Variants in CYP4X1 observed in about 807,000 individuals in gnomAD.
The protein encoded by CYP4X1 is cytochrome P450 family 4 subfamily X member 1, also known as cytochrome P450 4X1.
In CYP4X1, 44 loss-of-function variants were observed where a neutral mutation model predicts 57.9. The observed-to-expected ratio is 0.76, with a 90% CI of 0.60 to 0.98. CYP4X1 has a LOEUF of 0.98. Among genes scored for constraint, CYP4X1 ranks in the 50% least tolerant of loss-of-function variants. CYP4X1 has a pLI of 0.00. For synonymous variants in CYP4X1, 227 were observed against 228.6 expected, an observed-to-expected ratio of 0.99 and a Z score of 0.06; for missense variants, 532 against 623.9, an observed-to-expected ratio of 0.85 and a Z score of 1.57.
At chr1:46,999,940 G>A in the CYP4X1 span, among the ~76,000 whole-genome samples, 1 of 152,050 alleles carries the variant, frequency 6.6e-6, no homozygotes, top group African/African-American at 2.4e-5. Flanking sequence ...AAGACTTTGT[G>A]GGATGATTGG....
intron 1 of CYP4X1, among the ~76,000 whole-genome samples, chr1:47,026,227 G>A (rs1267773068): frequency 6.6e-6 from 1 of 152,160 alleles, no homozygotes; most frequent in Non-Finnish European, 1.5e-5. Context: ...TAAATAAAGA[G>A]TGTAATAGGA....
At chr1:47,048,091 A>AG (rs1397167436) in intron 9 of CYP4X1, among the ~76,000 whole-genome samples, 1 of 151,446 alleles carries the variant, frequency 6.6e-6, no homozygotes, top group Non-Finnish European at 1.5e-5. Flanking sequence ...AAAAAAAAAA[A>AG]AGAGAGAGAT....
At chr1:47,017,235 G>C in the CYP4X1 span, among the ~76,000 whole-genome samples, 1 of 152,108 alleles carries the variant, frequency 6.6e-6, no homozygotes, top group Non-Finnish European at 1.5e-5. Context: ...GGGATTGCTG[G>C]ATCATATGGT....
At chr1:47,019,406 T>G (rs56372579), upstream of CYP4X1, among the ~76,000 whole-genome samples, 8,604 of 152,318 alleles carry the variant, frequency 0.056, 262 homozygotes, top group East Asian at 0.13. Flanking sequence ...CTTCATTATC[T>G]TGTCATGCTT....
At chr1:47,013,808 G>T in the CYP4X1 span, among the ~76,000 whole-genome samples, 3 of 145,974 alleles carry the variant, frequency 2.1e-5, no homozygotes, top group Admixed American at 6.9e-5. Flanking sequence ...TGTCACCCAG[G>T]CTGGAATGCA....
Position 47,023,755 on chromosome 1 carries a change from G to A in CYP4X1, c.-63G>A. ...GGGCGACCCTACGCCAGCTCCGGGCGGGAGAAAGCCCACCCTCTCCCGCGC... is the reference window on the plus strand; with the variant it reads ...GGGCGACCCTACGCCAGCTCCGGGCAGGAGAAAGCCCACCCTCTCCCGCGC... On this transcript the variant is annotated 5_prime_UTR_variant, in exon 1 of 12. Coordinates refer to ENST00000371901, the MANE Select transcript of CYP4X1 (RefSeq NM_178033.2). The A allele has an allele frequency of 6.4e-7, 1 of 1,558,624 alleles. No homozygotes were observed. Among genetic ancestry groups the A allele is most frequent in the Admixed American group, 1.8e-5 (1 of 55,024 alleles).
the CYP4X1 span, among the ~76,000 whole-genome samples, chr1:46,974,883 T>C: frequency 1.3e-5 from 2 of 151,754 alleles, no homozygotes; most frequent in African/African-American, 4.8e-5. Context: ...CTTTTTAAAT[T>C]TTTTTAAATA....
At chr1:47,054,267 C>A (rs1225749393), downstream of CYP4X1, among the ~76,000 whole-genome samples, 1 of 151,964 alleles carries the variant, frequency 6.6e-6, no homozygotes, top group Non-Finnish European at 1.5e-5. Context: ...TGTTCTGTTC[C>A]ATTGATCTAT....
chr1:47,018,954 C>A (rs539397422), upstream of CYP4X1, among the ~76,000 whole-genome samples: 10 of 152,290 alleles, frequency 6.6e-5, no homozygotes, highest in Non-Finnish European at 1.2e-4. Context: ...GAGGGTCAGG[C>A]TGCTTATTCT....
At chr1:46,973,580 T>C in the CYP4X1 span, among the ~76,000 whole-genome samples, 1 of 152,098 alleles carries the variant, frequency 6.6e-6, no homozygotes. Flanking sequence ...GGTTGGTAGA[T>C]ATTTTATTAC....
At chr1:47,041,150 A>G (rs998811709) in intron 8 of CYP4X1, among the ~76,000 whole-genome samples, 1 of 152,128 alleles carries the variant, frequency 6.6e-6, no homozygotes, top group Non-Finnish European at 1.5e-5. Flanking sequence ...TTGTTAGTCC[A>G]TTGTTTATAT....
chr1:47,003,078 T>C, the CYP4X1 span: 2 of 152,156 alleles, frequency 1.3e-5, no homozygotes, highest in Non-Finnish European at 2.9e-5. Flanking sequence ...GAGAACAGGA[T>C]CACAGAAATC....
intron 9 of CYP4X1, among the ~76,000 whole-genome samples, 194 bp from the exon 10 acceptor site, chr1:47,048,371 G>A (rs538017557): frequency 6.6e-6 from 1 of 152,208 alleles, no homozygotes; most frequent in African/African-American, 2.4e-5. Flanking sequence ...TCAGTAAATT[G>A]TTGTGTGGAA....
At chr1:47,049,971 G>C (rs777212729) in intron 11 of CYP4X1, 29 bp from the exon 12 acceptor site, 1 of 1,600,508 alleles carries the variant, frequency 6.2e-7, no homozygotes, top group Non-Finnish European at 8.5e-7. Flanking sequence ...ATTTTTTCAA[G>C]TATCACTTTC....
chr1:47,021,690 T>C (rs114456651), upstream of CYP4X1, among the ~76,000 whole-genome samples: 2 of 152,132 alleles, frequency 1.3e-5, no homozygotes, highest in Non-Finnish European at 2.9e-5. Flanking sequence ...TTGTTACCCA[T>C]GAAAGCACAT....
chr1:46,981,232 A>G, the CYP4X1 span, among the ~76,000 whole-genome samples: 3 of 152,186 alleles, frequency 2.0e-5, no homozygotes, highest in Admixed American at 6.5e-5. Flanking sequence ...CAATCTACCC[A>G]TCTAACAAGG....
Position 47,023,716 on chromosome 1 carries a change from A to G in CYP4X1, c.-102A>G. 6.8e-7 allele frequency: 1 copy of G among 1,479,238 alleles called. No homozygotes were observed. The highest frequency in any genetic ancestry group is 2.5e-4 in the Middle Eastern group (1 of 3,948). 91.6% of individuals were successfully genotyped at this position (1,479,238 alleles called of 1,614,324 possible). A position where few individuals can be genotyped will look rare whatever the true frequency, so the allele number is the denominator to read the frequency against. ...AGTCAGAAGCTTCGCGAGGGCCCAG[A>G]GAGGCGGTGGGGTGGGCGACCCTAC... is the stretch of plus-strand genomic sequence containing the variant. On this transcript the variant is annotated 5_prime_UTR_variant, in exon 1 of 12. Coordinates refer to ENST00000371901, the MANE Select transcript of CYP4X1 (RefSeq NM_178033.2).
At chr1:46,978,924 C>A in the CYP4X1 span, among the ~76,000 whole-genome samples, 1 of 152,088 alleles carries the variant, frequency 6.6e-6, no homozygotes, top group Non-Finnish European at 1.5e-5. Flanking sequence ...TCTTTGAAAC[C>A]AGTGAGAACA....
At chr1:47,053,280 G>A (rs1644370926), downstream of CYP4X1, among the ~76,000 whole-genome samples, 2 of 152,122 alleles carry the variant, frequency 1.3e-5, no homozygotes, top group South Asian at 2.1e-4. Flanking sequence ...GTATTCCATG[G>A]TGTATATGTG....
Sources: allele counts gnomAD v4.1 joint callset (sites outside exome capture counted in the v4.1 genomes callset), GRCh38; gene constraint gnomAD v4.1.1; transcripts MANE v1.5; gene names NCBI Gene and HGNC (gene_info 2026-07-23, HGNC 2026-07-21).